AGMO: variants seen among roughly 807,000 people sequenced by gnomAD.
AGMO encodes the protein alkylglycerol monooxygenase.
In AGMO, 75 loss-of-function variants were observed where a neutral mutation model predicts 60.2. That is an observed-to-expected ratio of 1.25 (90% confidence interval 1.03 to 1.51). The LOEUF is 1.51. AGMO is among the 40% of genes most tolerant of loss of function. The probability of loss-of-function intolerance (pLI) is 0.00; values close to 1 mark genes in which losing one functional copy is unlikely to be tolerated. For missense variants in AGMO, 763 were observed against 525.5 expected (o/e 1.45, Z -4.42); for synonymous variants, 261 against 177.1 (o/e 1.47, Z -3.76).
chr7:15,557,015 C>T (rs537660016), intron 2 of AGMO, among the ~76,000 whole-genome samples: 1 of 151,908 alleles, frequency 6.6e-6, no homozygotes, highest in East Asian at 1.9e-4. Context: ...TATTGTCCAT[C>T]GTTAATATTT....
At chr7:15,438,018 T>G (rs1781448420) in intron 3 of AGMO, among the ~76,000 whole-genome samples, 1 of 152,168 alleles carries the variant, frequency 6.6e-6, no homozygotes, top group Non-Finnish European at 1.5e-5. Flanking sequence ...TGGAAGCTTT[T>G]AAGTTCTAGT....
At chr7:15,213,792 A>C (rs1781661581) in intron 12 of AGMO, among the ~76,000 whole-genome samples, 1 of 151,984 alleles carries the variant, frequency 6.6e-6, no homozygotes, top group South Asian at 2.1e-4. Context: ...ATATTGCCAA[A>C]GGTATGGTAG....
At chr7:15,219,411 TGAA>T (rs1781847324) in intron 12 of AGMO, among the ~76,000 whole-genome samples, 2 of 151,910 alleles carry the variant, frequency 1.3e-5, no homozygotes, top group African/African-American at 4.8e-5. Flanking sequence ...ACAAGAAAGA[TGAA>T]GAGGAGTTTG....
At chr7:15,259,431 A>G (rs1783202897) in intron 12 of AGMO, among the ~76,000 whole-genome samples, 1 of 152,184 alleles carries the variant, frequency 6.6e-6, no homozygotes, top group South Asian at 2.1e-4. Flanking sequence ...AAACCTAAGA[A>G]TAATTTGTGT....
the AGMO span, among the ~76,000 whole-genome samples, chr7:15,171,233 A>T: frequency 6.6e-6 from 1 of 152,154 alleles, no homozygotes; most frequent in Non-Finnish European, 1.5e-5. Context: ...CACCTGCCTC[A>T]GCCTCCCAAA....
At chr7:15,307,030 AATAATT>A (rs1200849103) in intron 12 of AGMO, among the ~76,000 whole-genome samples, 1 of 152,074 alleles carries the variant, frequency 6.6e-6, no homozygotes. Flanking sequence ...TCAAAAACGA[AATAATT>A]ATAAAGTGAT....
At chr7:15,547,661 T>A (rs935601336) in intron 2 of AGMO, among the ~76,000 whole-genome samples, 1 of 148,892 alleles carries the variant, frequency 6.7e-6, no homozygotes, top group Non-Finnish European at 1.5e-5. Flanking sequence ...GCTCGGAGGG[T>A]CCTACGCCCA....
chr7:15,388,296 A>G (rs888454374), intron 8 of AGMO, among the ~76,000 whole-genome samples: 1 of 152,150 alleles, frequency 6.6e-6, no homozygotes, highest in Non-Finnish European at 1.5e-5. Flanking sequence ...CTTATATCCT[A>G]CTGCTCAAGG....
chr7:15,346,019 T>C (rs1208142299), intron 12 of AGMO, among the ~76,000 whole-genome samples: 2 of 152,158 alleles, frequency 1.3e-5, no homozygotes, highest in Non-Finnish European at 2.9e-5. Context: ...AGCTGAACAT[T>C]TTCCTTTTAA....
intron 12 of AGMO, among the ~76,000 whole-genome samples, chr7:15,282,596 C>G (rs1783999505): frequency 1.3e-5 from 2 of 152,072 alleles, no homozygotes; most frequent in South Asian, 4.1e-4. Flanking sequence ...ATGGCCAGAC[C>G]TAAAAATAAC....
At chr7:15,548,591 T>C (rs1200619364) in intron 2 of AGMO, among the ~76,000 whole-genome samples, 1 of 151,724 alleles carries the variant, frequency 6.6e-6, no homozygotes, top group Non-Finnish European at 1.5e-5. Context: ...ATGAATGAAA[T>C]GAAGCGAGAA....
At chr7:15,149,765 C>A in the AGMO span, among the ~76,000 whole-genome samples, 2 of 151,996 alleles carry the variant, frequency 1.3e-5, no homozygotes, top group East Asian at 1.9e-4. Context: ...CAGCTTTGTT[C>A]TTTTTGCTTA....
At chr7:15,316,272 C>A (rs1780921710) in intron 12 of AGMO, among the ~76,000 whole-genome samples, 1 of 152,120 alleles carries the variant, frequency 6.6e-6, no homozygotes, top group Non-Finnish European at 1.5e-5. Flanking sequence ...CCCCCATAAC[C>A]AGCAGGTTCC....
chr7:15,180,399 A>G, the AGMO span, among the ~76,000 whole-genome samples: 1 of 152,170 alleles, frequency 6.6e-6, no homozygotes, highest in Non-Finnish European at 1.5e-5. Flanking sequence ...ATAAAGTCCT[A>G]GAACATGAAC....
At chr7:15,302,721 TTTTTG>T (rs1423618118) in intron 12 of AGMO, among the ~76,000 whole-genome samples, 5 of 152,162 alleles carry the variant, frequency 3.3e-5, no homozygotes, top group Non-Finnish European at 2.9e-5. Context: ...AAGAGAAGCC[TTTTTG>T]TTTTGTTTTG....
chr7:15,292,196 A>G (rs1583371534), intron 12 of AGMO, among the ~76,000 whole-genome samples: 1 of 152,166 alleles, frequency 6.6e-6, no homozygotes, highest in African/African-American at 2.4e-5. Context: ...CAGAGCAGAG[A>G]TTCTTCATCT....
At chr7:15,118,073 G>A in the AGMO span, among the ~76,000 whole-genome samples, 1 of 151,418 alleles carries the variant, frequency 6.6e-6, no homozygotes. Context: ...GTGTAATGTT[G>A]CTTGAAAAGT....
At chr7:15,419,820 C>G (rs993409183) in intron 4 of AGMO, among the ~76,000 whole-genome samples, 1 of 152,002 alleles carries the variant, frequency 6.6e-6, no homozygotes, top group Non-Finnish European at 1.5e-5. Context: ...TTAAGCTTCT[C>G]TAGGCTTCAG....
the AGMO span, among the ~76,000 whole-genome samples, chr7:15,169,330 A>G: frequency 6.6e-6 from 1 of 151,634 alleles, no homozygotes; most frequent in South Asian, 2.1e-4. Context: ...TCTGCCACTG[A>G]TTTACCAATT....
Sources: gnomAD v4.1 joint callset for allele counts (sites outside exome capture counted in the v4.1 genomes callset) on GRCh38, gnomAD v4.1.1 for gene constraint, MANE v1.5 for transcripts, NCBI Gene and HGNC (gene_info 2026-07-23, HGNC 2026-07-21) for gene names.